Variants in ZNF407 observed in about 807,000 individuals in gnomAD.
ZNF407 encodes zinc finger protein 407.
A neutral mutation model predicts 131.2 loss-of-function variants in ZNF407; 17 were observed. That is an observed-to-expected ratio of 0.13 (90% CI 0.09 to 0.19). The LOEUF is 0.19. ZNF407 is among the 10% of genes least tolerant of loss of function. ZNF407 has a pLI of 1.00. For missense variants in ZNF407, 2,681 were observed against 2,830.6 expected, an observed-to-expected ratio of 0.95 and a Z score of 1.20; for synonymous variants, 1,156 against 1,062.0, an observed-to-expected ratio of 1.09 and a Z score of -1.72.
intron 3 of ZNF407, among the ~76,000 whole-genome samples, chr18:74,717,512 C>T (rs1967923139): frequency 1.3e-5 from 2 of 152,152 alleles, no homozygotes; most frequent in Non-Finnish European, 2.9e-5. Context: ...GATCTAAAAA[C>T]AATCTGTGAG....
intron 4 of ZNF407, among the ~76,000 whole-genome samples, chr18:74,853,192 T>A (rs1970813719): frequency 6.6e-6 from 1 of 152,228 alleles, no homozygotes; most frequent in African/African-American, 2.4e-5. Flanking sequence ...AGCTTGCAAT[T>A]AATGCTCCTA....
intron 1 of ZNF407, among the ~76,000 whole-genome samples, chr18:74,622,566 A>G (rs1481921825): frequency 6.6e-6 from 1 of 152,176 alleles, no homozygotes; most frequent in African/African-American, 2.4e-5. Context: ...ACGCGTGTGT[A>G]TGCACACCTG....
At chr18:74,620,317 T>A (rs972823855) in intron 1 of ZNF407, among the ~76,000 whole-genome samples, 1 of 152,302 alleles carries the variant, frequency 6.6e-6, no homozygotes, top group African/African-American at 2.4e-5. Context: ...TGATTTGTTG[T>A]TTTATAAAGC....
chr18:74,646,519 A>G (rs1984980987), intron 3 of ZNF407, among the ~76,000 whole-genome samples: 1 of 152,138 alleles, frequency 6.6e-6, no homozygotes, highest in African/African-American at 2.4e-5. Context: ...TTTTGTCTTT[A>G]GCTTGAAATT....
chr18:74,605,572 TA>T (rs1179556090), intron 1 of ZNF407, among the ~76,000 whole-genome samples: 1 of 152,162 alleles, frequency 6.6e-6, no homozygotes, highest in Admixed American at 6.5e-5. Context: ...CAAAAAATCA[TA>T]GGAAGTTTGT....
intron 3 of ZNF407, among the ~76,000 whole-genome samples, chr18:74,656,476 T>A (rs1319085619): frequency 1.3e-5 from 2 of 152,138 alleles, no homozygotes; most frequent in Admixed American, 1.3e-4. Context: ...TACAAAAGGA[T>A]CAAGGAGCAC....
At chr18:74,837,091 A>T (rs1385607550) in intron 4 of ZNF407, among the ~76,000 whole-genome samples, 1 of 152,230 alleles carries the variant, frequency 6.6e-6, no homozygotes, top group Non-Finnish European at 1.5e-5. Context: ...TCTTATTTCC[A>T]GATATCCTCA....
chr18:74,679,054 ATC>A (rs1029865900), intron 3 of ZNF407, among the ~76,000 whole-genome samples: 4 of 152,088 alleles, frequency 2.6e-5, no homozygotes, highest in African/African-American at 9.7e-5. Flanking sequence ...TGGGGAAATA[ATC>A]TGTGTGGGGA....
Position 74,634,331 on chromosome 18 carries a change from T to C in ZNF407, c.3312T>C (p.Asn1104=), listed in dbSNP as rs778308114. 6.2e-7 allele frequency: 1 copy of C among 1,613,950 alleles called. No homozygotes were observed. Among genetic ancestry groups the C allele is most frequent in the South Asian group, 1.1e-5 (1 of 91,068 alleles). The change falls in exon 2 of 9, where the codon AAT becomes AAC. Residue 1104 remains asparagine (N), a synonymous_variant. Coordinates refer to ENST00000299687, the MANE Select transcript of ZNF407 (RefSeq NM_017757.3). ...IIMPEEEHQQ[N]SEEFQIISGQ... ...TGCCTGAAGAAGAGCATCAACAAAATTCTGAGGAATTTCAAATAATTTCAG... is the reference window on the plus strand; with the variant it reads ...TGCCTGAAGAAGAGCATCAACAAAACTCTGAGGAATTTCAAATAATTTCAG...
intron 2 of ZNF407, among the ~76,000 whole-genome samples, chr18:74,637,262 A>G (rs1357311404): frequency 6.6e-6 from 1 of 152,216 alleles, no homozygotes; most frequent in African/African-American, 2.4e-5. Flanking sequence ...ATTAAGATTT[A>G]TTTAGTCGTT....
At chr18:74,863,283 A>G (rs769374513) in intron 4 of ZNF407, among the ~76,000 whole-genome samples, 6 of 151,328 alleles carry the variant, frequency 4.0e-5, no homozygotes, top group Non-Finnish European at 7.4e-5. Flanking sequence ...GTGACATTGT[A>G]TGTATTCCTT....
intron 8 of ZNF407, among the ~76,000 whole-genome samples, chr18:74,969,116 A>C (rs183921415): frequency 6.6e-6 from 1 of 152,056 alleles, no homozygotes; most frequent in Non-Finnish European, 1.5e-5. Flanking sequence ...CATTTGCTTC[A>C]TTTTTGTAAT....
intron 4 of ZNF407, among the ~76,000 whole-genome samples, chr18:74,791,579 G>A (rs1368629735): frequency 1.3e-5 from 2 of 152,098 alleles, no homozygotes; most frequent in Non-Finnish European, 2.9e-5. Context: ...TTCACTCATT[G>A]CCATACAGAA....
At chr18:74,654,123 A>G (rs956693807) in intron 3 of ZNF407, among the ~76,000 whole-genome samples, 1 of 151,872 alleles carries the variant, frequency 6.6e-6, no homozygotes, top group African/African-American at 2.4e-5. Flanking sequence ...ACTAAAAAAG[A>G]GAAATTGGTA....
At chr18:75,021,360 C>G (rs1568303252) in intron 8 of ZNF407, among the ~76,000 whole-genome samples, 1 of 152,036 alleles carries the variant, frequency 6.6e-6, no homozygotes, top group African/African-American at 2.4e-5. Flanking sequence ...CCTCAAATTC[C>G]TTGGGCTCAA....
chr18:74,844,907 A>C (rs1970681978), intron 4 of ZNF407, among the ~76,000 whole-genome samples: 2 of 152,222 alleles, frequency 1.3e-5, no homozygotes, highest in African/African-American at 4.8e-5. Context: ...CAGCCTAAGA[A>C]GAGACTAAGG....
chr18:74,795,380 A>T (rs1033168962), intron 4 of ZNF407, among the ~76,000 whole-genome samples: 2 of 152,194 alleles, frequency 1.3e-5, no homozygotes, highest in African/African-American at 4.8e-5. Flanking sequence ...GTTCATTTTA[A>T]CTCTACTACA....
Position 75,025,322 on chromosome 18 carries a change from G to T in ZNF407, c.5429-37828G>T, listed in dbSNP as rs148535718. On this transcript the variant is annotated intron_variant, in intron 8 of 8. Transcript: ENST00000299687. ...CATAAAACCACAGTCTGTTGGAGGC[G>T]CAAAGCCAATGACATTTGAGCATTC... 3.3e-5 allele frequency among the ~76,000 whole-genome samples: 5 copies of T among 152,280 alleles called. No homozygotes were observed. In the East Asian group the frequency reaches 7.7e-4, roughly 23 times the overall value.
Position 74,670,454 on chromosome 18 carries a change from C to T in ZNF407, c.4802+29332C>T, listed in dbSNP as rs1005440675. On this transcript the variant is annotated intron_variant, in intron 3 of 8. Transcript: ENST00000299687. ...ATGAATCTGCATGGATGATATGATTCGAATAAGCAACTGCTTGAAAAGAAC... is the reference window on the plus strand; with the variant it reads ...ATGAATCTGCATGGATGATATGATTTGAATAAGCAACTGCTTGAAAAGAAC... Among the ~76,000 whole-genome samples the T allele has an allele frequency of 5.3e-5, 8 of 152,060 alleles. No individual in the cohort carries two copies. The East Asian group carries it at 9.7e-4, about 18-fold the overall frequency.
Sources: gnomAD v4.1 joint callset for allele counts (sites outside exome capture counted in the v4.1 genomes callset) on GRCh38, gnomAD v4.1.1 for gene constraint, MANE v1.5 for transcripts, NCBI Gene and HGNC (gene_info 2026-07-23, HGNC 2026-07-21) for gene names.